Variants in PKNOX1 observed in about 807,000 individuals in gnomAD.
PKNOX1 encodes the protein PBX/knotted 1 homeobox 1.
Under a neutral mutation model 51.9 loss-of-function variants are expected in PKNOX1, and 15 were observed. That is an observed-to-expected ratio of 0.29 (90% CI 0.19 to 0.45). The LOEUF (loss-of-function observed/expected upper bound fraction) is 0.45, where lower values mean the gene tolerates loss of function less well. Ranked by LOEUF, PKNOX1 falls within the 20% of genes least tolerant of loss-of-function variation. The probability of loss-of-function intolerance (pLI) is 1.00; values close to 1 mark genes in which losing one functional copy is unlikely to be tolerated. For missense variants in PKNOX1, 462 were observed against 547.5 expected (o/e 0.84, Z 1.56); for synonymous variants, 219 against 211.1 (o/e 1.04, Z -0.32).
At chr21:42,978,593 C>T (rs1045658097) in intron 1 of PKNOX1, among the ~76,000 whole-genome samples, 3 of 150,322 alleles carry the variant, frequency 2.0e-5, no homozygotes, top group African/African-American at 4.9e-5. Flanking sequence ...AAGTGATTCT[C>T]TTGCCTCAGC....
chr21:42,987,745 A>G (rs1198307924), intron 1 of PKNOX1, among the ~76,000 whole-genome samples: 3 of 150,896 alleles, frequency 2.0e-5, no homozygotes, highest in African/African-American at 7.3e-5. Context: ...CAGCCTACAG[A>G]GTAGCTGGGA....
In PKNOX1 at chr21:42,984,980, T is replaced by C. The variant is rs1482372956; in HGVS notation, c.-57+10316T>C. Among the ~76,000 whole-genome samples, 224 of 124,418 alleles carry C rather than the reference T, an allele frequency of 1.8e-3. 2 individuals are homozygous for C. Among genetic ancestry groups the C allele is most frequent in the Non-Finnish European group, 3.4e-3 (198 of 58,932 alleles). 81.6% of individuals were successfully genotyped at this position (124,418 alleles called of 152,430 possible). A position where few individuals can be genotyped will look rare whatever the true frequency, so the allele number is the denominator to read the frequency against. On this transcript the variant is annotated intron_variant, in intron 1 of 10. Coordinates refer to ENST00000291547, the MANE Select transcript of PKNOX1 (RefSeq NM_004571.5). ...GGGTTCCTCATTTTCTTTTCTTTTT[T>C]TTTTTTTTTTTTTTTTTTTTTGAGA...
chr21:42,988,629 G>A (rs765354518), intron 1 of PKNOX1, among the ~76,000 whole-genome samples: 1 of 152,190 alleles, frequency 6.6e-6, no homozygotes, highest in Non-Finnish European at 1.5e-5. Context: ...TTCCCATTGA[G>A]CGCTGGGACA....
chr21:42,982,556 C>A (rs910265743), intron 1 of PKNOX1, among the ~76,000 whole-genome samples: 5 of 151,620 alleles, frequency 3.3e-5, no homozygotes, highest in African/African-American at 9.7e-5. Flanking sequence ...ATGGAGAAAC[C>A]CTGTCTCTAC....
intron 1 of PKNOX1, among the ~76,000 whole-genome samples, chr21:42,987,896 G>A (rs892236381): frequency 1.3e-5 from 2 of 151,918 alleles, no homozygotes; most frequent in Non-Finnish European, 2.9e-5. Flanking sequence ...GGGATTACAG[G>A]CGTGAGCCAC....
intron 1 of PKNOX1, among the ~76,000 whole-genome samples, chr21:42,978,481 CTTTTCT>C (rs2059009279): frequency 8.5e-6 from 1 of 118,038 alleles, no homozygotes; most frequent in Non-Finnish European, 1.8e-5. Flanking sequence ...TTTTTCTTTT[CTTTTCT>C]TTTTTTTTTT....
chr21:43,030,280 TGTGTGTGTGTGTGC>T lies in PKNOX1; in HGVS notation c.*187_*200del. On this transcript the variant is annotated 3_prime_UTR_variant, in exon 11 of 11. Transcript: ENST00000291547. ...TTTCAAGTGTGTGTGTGTGTGTGTG[TGTGTGTGTGTGTGC>T]GTGTGTGCGTGTGTGTGGATTTTTA... The T allele has an allele frequency of 7.0e-6, 3 of 431,026 alleles. No individual in the cohort carries two copies. Among genetic ancestry groups the T allele is most frequent in the South Asian group, 5.0e-5 (1 of 20,078 alleles). 26.7% of individuals were successfully genotyped at this position (431,026 alleles called of 1,614,324 possible).
chr21:43,007,298 G>A (rs1282227704), intron 2 of PKNOX1, among the ~76,000 whole-genome samples, 193 bp from the exon 3 acceptor site: 3 of 152,150 alleles, frequency 2.0e-5, no homozygotes, highest in African/African-American at 7.2e-5. Flanking sequence ...CAGTTCTTAA[G>A]CAGTTTGGAA....
At chr21:42,996,442 A>C (rs990432703) in intron 1 of PKNOX1, among the ~76,000 whole-genome samples, 8 of 152,010 alleles carry the variant, frequency 5.3e-5, no homozygotes, top group Non-Finnish European at 7.4e-5. Context: ...GGGAGTCCCA[A>C]TCTCTCCTGA....
chr21:42,976,572 G>C (rs897711161), intron 1 of PKNOX1, among the ~76,000 whole-genome samples: 1 of 152,236 alleles, frequency 6.6e-6, no homozygotes, highest in African/African-American at 2.4e-5. Context: ...CCACTAAGTT[G>C]ATGTGATATT....
intron 7 of PKNOX1, among the ~76,000 whole-genome samples, chr21:43,018,531 T>C (rs1979615174): frequency 9.1e-6 from 1 of 109,660 alleles, no homozygotes; most frequent in Non-Finnish European, 1.7e-5. Flanking sequence ...CACAGAGTTA[T>C]CCAGTGCTAA....
chr21:42,975,133 G>T (rs2058986746), intron 1 of PKNOX1, among the ~76,000 whole-genome samples: 1 of 145,472 alleles, frequency 6.9e-6, no homozygotes, highest in African/African-American at 2.5e-5. Flanking sequence ...CGGGGCGGGC[G>T]GCGCGCGTGG....
intron 10 of PKNOX1, 52 bp downstream of exon 10, chr21:43,028,926 T>C: frequency 2.6e-6 from 4 of 1,568,438 alleles, no homozygotes; most frequent in Non-Finnish European, 3.5e-6. Flanking sequence ...GTGGGGATTA[T>C]GAACAAGAGG....
chr21:42,981,537 T>G (rs1388438771), intron 1 of PKNOX1, among the ~76,000 whole-genome samples: 1 of 151,868 alleles, frequency 6.6e-6, no homozygotes, highest in Non-Finnish European at 1.5e-5. Flanking sequence ...CTTATTTTAT[T>G]TTATTATTTA....
chr21:43,024,496 A>G (rs1246142592), intron 8 of PKNOX1: 1 of 175,814 alleles, frequency 5.7e-6, no homozygotes, highest in Non-Finnish European at 1.2e-5. Context: ...ATATGGATGT[A>G]GTTTATTGTT....
intron 9 of PKNOX1, among the ~76,000 whole-genome samples, chr21:43,027,959 T>C (rs983382516): frequency 6.6e-6 from 1 of 152,130 alleles, no homozygotes; most frequent in African/African-American, 2.4e-5. Flanking sequence ...CAGCCTGTGA[T>C]TGTTGCTGCT....
chr21:42,996,745 T>C (rs1341826022), intron 1 of PKNOX1, among the ~76,000 whole-genome samples: 72 of 152,216 alleles, frequency 4.7e-4, no homozygotes, highest in Admixed American at 4.7e-3. Flanking sequence ...TAAAAAAATT[T>C]GTTGTAGAGA....
intron 1 of PKNOX1, among the ~76,000 whole-genome samples, chr21:42,990,860 T>C (rs2059083736): frequency 6.6e-6 from 1 of 152,150 alleles, no homozygotes; most frequent in African/African-American, 2.4e-5. Flanking sequence ...CTGTTCAGAT[T>C]TCTCTCTGTA....
intron 7 of PKNOX1, among the ~76,000 whole-genome samples, chr21:43,020,933 C>A (rs1336974857): frequency 6.6e-6 from 1 of 152,146 alleles, no homozygotes; most frequent in Non-Finnish European, 1.5e-5. Context: ...CAGGGCGAGA[C>A]CCTGCCTCTA....
Sources: gnomAD v4.1 joint callset for allele counts (sites outside exome capture counted in the v4.1 genomes callset) on GRCh38, gnomAD v4.1.1 for gene constraint, MANE v1.5 for transcripts, NCBI Gene and HGNC (gene_info 2026-07-23, HGNC 2026-07-21) for gene names.